The following ZNF215 variants were observed in gnomAD, a reference collection of about 807,000 sequenced individuals.
The protein encoded by ZNF215 is BWSCR2-associated zinc finger protein 2.
Under a neutral mutation model 27.2 loss-of-function variants are expected in ZNF215, and 24 were observed. That is an observed-to-expected ratio of 0.88 (90% CI 0.64 to 1.24). The LOEUF is 1.24. Among genes scored for constraint, ZNF215 ranks in the 50% most tolerant of loss-of-function variants. The pLI is 0.00. For missense variants in ZNF215, 675 were observed against 605.7 expected (o/e 1.11, Z -1.20); for synonymous variants, 210 against 204.0 (o/e 1.03, Z -0.25).
intron 5 of ZNF215, among the ~76,000 whole-genome samples, chr11:6,981,634 T>C (rs1850954785): frequency 6.6e-6 from 1 of 152,156 alleles, no homozygotes; most frequent in South Asian, 2.1e-4. Context: ...TTTGTCAACT[T>C]TGGCTTTTGT....
chr11:6,947,907 T>C (rs777276733), intron 6 of ZNF215, among the ~76,000 whole-genome samples: 19 of 152,338 alleles, frequency 1.2e-4, no homozygotes, highest in Non-Finnish European at 1.6e-4. Context: ...ACTGTTCTTA[T>C]GGGCCAGAGC....
Position 6,956,241 on chromosome 11 carries a change from C to G in ZNF215, c.1264C>G (p.Leu422Val), listed in dbSNP as rs760362762. ...GAGATTCTTCAACCGACGTACAAAC[C>G]TTACTAAGCATCAAAAACTTCATGC... ...CGRFFNRRTNLTKHQKLHAEA... is the reference protein window; with the variant it reads ...CGRFFNRRTNVTKHQKLHAEA... The change falls in exon 7 of 7, where the codon CTT (leucine) becomes GTT (valine). Residue 422 changes from leucine to valine, a missense_variant. Physicochemically the swap from Leu to Val is conservative, Grantham distance 32. Coordinates refer to ENST00000278319, the MANE Select transcript of ZNF215 (RefSeq NM_013250.4). The G allele has an allele frequency of 4.3e-6, 7 of 1,613,630 alleles. No individual in the cohort carries two copies. The African/African-American group carries it at 8.0e-5, about 18-fold the overall frequency.
At chr11:6,928,770 C>T (rs74050230) in intron 2 of ZNF215, among the ~76,000 whole-genome samples, 62 of 152,086 alleles carry the variant, frequency 4.1e-4, no homozygotes, top group African/African-American at 1.4e-3. Context: ...TATCTGGGCC[C>T]ATAGTTCATT....
chr11:6,941,991 A>G (rs1158985496), intron 4 of ZNF215, among the ~76,000 whole-genome samples: 1 of 152,214 alleles, frequency 6.6e-6, no homozygotes, highest in Non-Finnish European at 1.5e-5. Context: ...AAAGCATACT[A>G]AAAAGACAGG....
chr11:6,970,666 T>C (rs1476918512), intron 5 of ZNF215, among the ~76,000 whole-genome samples: 2 of 152,174 alleles, frequency 1.3e-5, no homozygotes, highest in East Asian at 3.8e-4. Context: ...GGGCATTCAT[T>C]ATACTGTTCT....
At chr11:6,954,794 G>A (rs904419413) in intron 6 of ZNF215, among the ~76,000 whole-genome samples, 2 of 152,224 alleles carry the variant, frequency 1.3e-5, no homozygotes, top group Admixed American at 1.3e-4. Flanking sequence ...CAGTACCTCA[G>A]ATGGAAATGC....
intron 2 of ZNF215, among the ~76,000 whole-genome samples, chr11:6,931,586 C>G (rs546130395): frequency 1.3e-5 from 2 of 152,304 alleles, no homozygotes; most frequent in African/African-American, 4.8e-5. Flanking sequence ...TGGGAATCCA[C>G]TTTTTGATTT....
rs1426556654 is a variant in ZNF215 at position 6,956,320 on chromosome 11, A to T, written c.1343A>T (p.Glu448Val). The change falls in exon 7 of 7, where the codon GAA becomes GTA. Residue 448 changes from glutamate to valine, a missense_variant. Coordinates refer to ENST00000278319, the MANE Select transcript of ZNF215 (RefSeq NM_013250.4). ...NKCGKAFSKS[E>V]DSNNPTLHFG... The stretch of plus-strand genomic sequence containing the variant: ...TGTGGAAAGGCCTTCAGTAAAAGTG[A>T]AGACAGTAATAATCCAACACTCCAT... 5.0e-6 allele frequency: 8 copies of T among 1,614,192 alleles called. No homozygotes were observed. In the African/African-American group the frequency reaches 9.3e-5, roughly 19 times the overall value.
downstream of ZNF215, chr11:6,988,349 A>C: frequency 1.3e-6 from 1 of 756,220 alleles, no homozygotes; most frequent in Non-Finnish European, 1.6e-6. Flanking sequence ...TGTCTGGATT[A>C]GAGTAGGATG....
At chr11:6,935,225 G>T (rs1849391365) in intron 3 of ZNF215, among the ~76,000 whole-genome samples, 2 of 152,212 alleles carry the variant, frequency 1.3e-5, no homozygotes, top group African/African-American at 4.8e-5. Flanking sequence ...CTGGAAGATT[G>T]AAGACATGTT....
downstream of ZNF215, among the ~76,000 whole-genome samples, chr11:6,991,682 AGTTCTCAT>A: frequency 6.6e-6 from 1 of 152,154 alleles, no homozygotes; most frequent in South Asian, 2.1e-4. Context: ...ACACTTCTAG[AGTTCTCAT>A]ATTTTCATTG....
intron 6 of ZNF215, among the ~76,000 whole-genome samples, chr11:6,947,707 G>T (rs1849871513): frequency 6.6e-6 from 1 of 152,126 alleles, no homozygotes; most frequent in South Asian, 2.1e-4. Flanking sequence ...ACTTTTAACA[G>T]ATTACCCAAA....
At position 6,978,810 on chromosome 11, in the gene ZNF215, T is replaced by C. The variant is rs141125007; in HGVS notation, c.806-5319T>C. ...TCTTTCAACTTTATGCTTGAAAATG[T>C]TCATAATAAAATGTTGGAAATGTGG... On this transcript the variant is annotated intron_variant, in intron 5 of 5. Coordinates refer to the ZNF215 transcript ENST00000529903. 7.8e-4 allele frequency among the ~76,000 whole-genome samples: 118 copies of C among 152,196 alleles called. 1 individual carries two copies. The highest frequency in any genetic ancestry group is 2.7e-3 in the African/African-American group (114 of 41,546).
At chr11:6,970,057 C>T (rs947599836) in intron 5 of ZNF215, among the ~76,000 whole-genome samples, 2 of 152,162 alleles carry the variant, frequency 1.3e-5, no homozygotes, top group African/African-American at 4.8e-5. Flanking sequence ...GCTCGGATTA[C>T]AAGCGTGAGC....
chr11:6,941,550 A>G (rs951137945), intron 3 of ZNF215, 21 bp from the exon 4 acceptor site: 10 of 1,610,884 alleles, frequency 6.2e-6, no homozygotes, highest in South Asian at 1.1e-5. Flanking sequence ...TCTCCCTAAT[A>G]TTTTCCTTCA....
At chr11:6,942,668 C>G (rs1315597090) in intron 4 of ZNF215, among the ~76,000 whole-genome samples, 1 of 152,108 alleles carries the variant, frequency 6.6e-6, no homozygotes, top group African/African-American at 2.4e-5. Context: ...AATGCCCTAC[C>G]TCTCCTTCCA....
At position 6,944,936 on chromosome 11, in the gene ZNF215, C is replaced by A. The variant is rs142219413; in HGVS notation, c.712+1295C>A. Among the ~76,000 whole-genome samples the A allele has an allele frequency of 1.6e-3, 241 of 152,140 alleles. 2 individuals carry two copies. The highest frequency in any genetic ancestry group is 5.7e-3 in the African/African-American group (237 of 41,502). The stretch of plus-strand genomic sequence containing the variant: ...ATATCATAATACATTTAACCATTCC[C>A]CCTGCCCCTCCACTGTTGGACATTT... On this transcript the variant is annotated intron_variant, in intron 6 of 6. Coordinates refer to ENST00000278319, the MANE Select transcript of ZNF215 (RefSeq NM_013250.4).
intron 6 of ZNF215, among the ~76,000 whole-genome samples, chr11:6,949,089 T>C (rs1280573098): frequency 1.2e-3 from 182 of 151,504 alleles, no homozygotes; most frequent in African/African-American, 4.3e-3. Context: ...CATCATTTTT[T>C]ATGGCTGCAT....
chr11:6,984,638 G>A (rs180688556), downstream of ZNF215: 251 of 152,176 alleles, frequency 1.6e-3, 1 homozygote, highest in African/African-American at 5.7e-3. Flanking sequence ...CTGACAATCT[G>A]CCCATGATTT....
Sources: gnomAD v4.1 joint callset for allele counts (sites outside exome capture counted in the v4.1 genomes callset) on GRCh38, gnomAD v4.1.1 for gene constraint, MANE v1.5 for transcripts, NCBI Gene and HGNC (gene_info 2026-07-23, HGNC 2026-07-21) for gene names.